Variants in HS6ST3 observed in about 807,000 individuals in gnomAD.
HS6ST3 encodes heparan sulfate 6-O-sulfotransferase 3.
In HS6ST3, 12 loss-of-function variants were observed where a neutral mutation model predicts 36.7. The ratio of observed to expected loss-of-function variants is 0.33; its 90% CI spans 0.21 to 0.53. The LOEUF (loss-of-function observed/expected upper bound fraction) is 0.53. HS6ST3 is among the 20% of genes least tolerant of loss of function. The pLI, the probability that HS6ST3 is intolerant of heterozygous loss-of-function variation, is 0.95. For missense variants in HS6ST3, 584 were observed against 640.9 expected (o/e 0.91, Z 0.96); for synonymous variants, 240 against 257.5 (o/e 0.93, Z 0.65).
In HS6ST3 at chr13:96,555,906, G is replaced by A. The variant is rs1014783021; in HGVS notation, c.708-276584G>A. 3.3e-5 allele frequency among the ~76,000 whole-genome samples: 5 copies of A among 152,234 alleles called. No individual in the cohort carries two copies. The East Asian group carries it at 7.7e-4, about 24-fold the overall frequency. On this transcript the variant is annotated intron_variant, in intron 1 of 1. Transcript: ENST00000376705. The stretch of plus-strand genomic sequence containing the variant: ...TCTGAAAATCTTCGCAGATGTCAAT[G>A]ACAGTAAATGCTAGACAGAGACAAT...
chr13:96,527,721 C>T (rs1433556252), intron 1 of HS6ST3, among the ~76,000 whole-genome samples: 1 of 152,092 alleles, frequency 6.6e-6, no homozygotes, highest in African/African-American at 2.4e-5. Flanking sequence ...TGAAGAGTCC[C>T]TGAGGCAGGC....
intron 1 of HS6ST3, among the ~76,000 whole-genome samples, chr13:96,487,077 C>T (rs1192509640): frequency 1.3e-5 from 2 of 152,006 alleles, no homozygotes; most frequent in African/African-American, 4.8e-5. Context: ...AATCAAAGAC[C>T]ATTTATATTT....
At chr13:96,484,764 T>C (rs761347054) in intron 1 of HS6ST3, among the ~76,000 whole-genome samples, 3 of 152,312 alleles carry the variant, frequency 2.0e-5, no homozygotes, top group South Asian at 4.1e-4. Context: ...GACACTTAGG[T>C]TGTTTCCATA....
At position 96,593,350 on chromosome 13, in the gene HS6ST3, A is replaced by ATT. The variant is rs556750562; in HGVS notation, c.708-239131_708-239130dup. 5.7e-3 allele frequency among the ~76,000 whole-genome samples: 819 copies of ATT among 144,952 alleles called. 6 individuals carry two copies. Among genetic ancestry groups the ATT allele is most frequent in the African/African-American group, 0.02 (774 of 39,486 alleles). Reference sequence around the variant, plus strand: ...AGGCGCACACCACCACGCCCAGCTAATTTTTTTTTTGTTTTTCGTATTTTT... The same window carrying ATT: ...AGGCGCACACCACCACGCCCAGCTAATTTTTTTTTTTTGTTTTTCGTATTTTT... On this transcript the variant is annotated intron_variant, in intron 1 of 1. Coordinates refer to ENST00000376705, the MANE Select transcript of HS6ST3 (RefSeq NM_153456.4).
At chr13:96,628,001 A>G (rs2056518993) in intron 1 of HS6ST3, among the ~76,000 whole-genome samples, 1 of 151,528 alleles carries the variant, frequency 6.6e-6, no homozygotes, top group South Asian at 2.1e-4. Flanking sequence ...TCTATTGTCT[A>G]TTTGTTTTCC....
chr13:96,752,750 T>C (rs1876731107), intron 1 of HS6ST3, among the ~76,000 whole-genome samples: 1 of 152,180 alleles, frequency 6.6e-6, no homozygotes, highest in Non-Finnish European at 1.5e-5. Context: ...GAGCTTGTCT[T>C]CCACTCTTTA....
Position 96,765,852 on chromosome 13 carries a change from A to G in HS6ST3, c.708-66638A>G, listed in dbSNP as rs115948783. 5.0e-3 allele frequency among the ~76,000 whole-genome samples: 755 copies of G among 152,184 alleles called. 6 individuals are homozygous for G. Among genetic ancestry groups the G allele is most frequent in the African/African-American group, 0.017 (702 of 41,518 alleles). On this transcript the variant is annotated intron_variant, in intron 1 of 1. Coordinates refer to ENST00000376705, the MANE Select transcript of HS6ST3 (RefSeq NM_153456.4). ...TCAGAAAGAGATGAGGACATGTTCT[A>G]TTTTGAGATAAAAGCTTTACCTGAG...
chr13:96,720,686 A>G (rs1875822158), intron 1 of HS6ST3, among the ~76,000 whole-genome samples: 1 of 152,344 alleles, frequency 6.6e-6, no homozygotes, highest in South Asian at 2.1e-4. Flanking sequence ...CGCAACATGT[A>G]CTGCGAAAGG....
intron 1 of HS6ST3, chr13:96,169,822 G>C (rs1271733547): frequency 6.6e-6 from 1 of 152,286 alleles, no homozygotes; most frequent in Middle Eastern, 3.4e-3. Context: ...ACTCCCGCCT[G>C]GACAACATAG....
At chr13:96,138,422 A>AATAT (rs987674046) in intron 1 of HS6ST3, among the ~76,000 whole-genome samples, 3 of 148,576 alleles carry the variant, frequency 2.0e-5, no homozygotes, top group Non-Finnish European at 4.5e-5. Context: ...ACAGTTTATA[A>AATAT]ATATATATTT....
intron 1 of HS6ST3, among the ~76,000 whole-genome samples, chr13:96,561,264 C>T (rs1345818701): frequency 6.6e-6 from 1 of 151,950 alleles, no homozygotes; most frequent in Non-Finnish European, 1.5e-5. Flanking sequence ...CGGTAAAGTC[C>T]ACAAAATAAG....
chr13:96,615,526 A>C (rs978268326), intron 1 of HS6ST3, among the ~76,000 whole-genome samples: 1 of 152,226 alleles, frequency 6.6e-6, no homozygotes, highest in Admixed American at 6.5e-5. Flanking sequence ...TAGACCCTGT[A>C]TATATCACTA....
At chr13:96,753,213 T>A (rs971590917) in intron 1 of HS6ST3, among the ~76,000 whole-genome samples, 1 of 152,252 alleles carries the variant, frequency 6.6e-6, no homozygotes, top group Non-Finnish European at 1.5e-5. Context: ...AGTATTTGCC[T>A]TGTTGCCTTT....
intron 1 of HS6ST3, among the ~76,000 whole-genome samples, chr13:96,711,029 T>A (rs138995499): frequency 6.6e-6 from 1 of 152,360 alleles, no homozygotes; most frequent in Non-Finnish European, 1.5e-5. Context: ...AAAAGCACCC[T>A]TTGTCCTACG....
chr13:96,121,566 C>T (rs1594684061), intron 1 of HS6ST3, among the ~76,000 whole-genome samples: 1 of 152,174 alleles, frequency 6.6e-6, no homozygotes, highest in Admixed American at 6.5e-5. Flanking sequence ...TGCTAATAGC[C>T]CGAACCAGTT....
intron 1 of HS6ST3, among the ~76,000 whole-genome samples, chr13:96,668,415 G>A (rs1232010687): frequency 6.6e-6 from 1 of 152,178 alleles, no homozygotes; most frequent in Non-Finnish European, 1.5e-5. Flanking sequence ...GTAAAGTAAT[G>A]CCTGTCTGAT....
chr13:96,438,740 T>C (rs2055655067), intron 1 of HS6ST3, among the ~76,000 whole-genome samples: 1 of 152,176 alleles, frequency 6.6e-6, no homozygotes, highest in Non-Finnish European at 1.5e-5. Flanking sequence ...GGCCAGGTAG[T>C]CCAGAATTCT....
intron 1 of HS6ST3, among the ~76,000 whole-genome samples, chr13:96,813,416 A>G (rs1352132110): frequency 6.6e-6 from 1 of 152,182 alleles, no homozygotes; most frequent in African/African-American, 2.4e-5. Context: ...TGAACAAGGA[A>G]TGAGACCCTG....
chr13:96,426,986 G>A (rs2055590020), intron 1 of HS6ST3, among the ~76,000 whole-genome samples: 1 of 152,148 alleles, frequency 6.6e-6, no homozygotes, highest in Non-Finnish European at 1.5e-5. Flanking sequence ...TAAAAATTCT[G>A]AGGTCCAATC....
Sources: gnomAD v4.1 joint callset for allele counts (sites outside exome capture counted in the v4.1 genomes callset) on GRCh38, gnomAD v4.1.1 for gene constraint, MANE v1.5 for transcripts, NCBI Gene and HGNC (gene_info 2026-07-23, HGNC 2026-07-21) for gene names.